SWAP70: variants seen among roughly 807,000 people sequenced by gnomAD.
SWAP70 encodes the protein switching B cell complex subunit SWAP70.
In SWAP70, 34 loss-of-function variants were observed where a neutral mutation model predicts 80.2. The observed-to-expected ratio is 0.42, with a 90% confidence interval of 0.32 to 0.56. SWAP70 has a LOEUF of 0.56. Among genes scored for constraint, SWAP70 ranks in the 20% least tolerant of loss-of-function variants. SWAP70 has a pLI of 0.09. For synonymous variants in SWAP70, 239 were observed against 238.5 expected (o/e 1.00, Z -0.02); for missense variants, 578 against 690.7 (o/e 0.84, Z 1.83).
intron 1 of SWAP70, among the ~76,000 whole-genome samples, chr11:9,692,994 G>A (rs1009488609): frequency 3.9e-5 from 6 of 152,106 alleles, no homozygotes; most frequent in African/African-American, 1.2e-4. Context: ...AACAAATTTA[G>A]AAAGAAGATA....
chr11:9,709,598 C>A (rs2572945), intron 2 of SWAP70, among the ~76,000 whole-genome samples: 49,327 of 151,734 alleles, frequency 0.33, 8,205 homozygotes, highest in Non-Finnish European at 0.35. Context: ...GATCTCCCAC[C>A]AACTTCAGCC....
intron 2 of SWAP70, among the ~76,000 whole-genome samples, chr11:9,695,120 C>T (rs983534113): frequency 1.3e-5 from 2 of 152,114 alleles, no homozygotes; most frequent in Admixed American, 6.6e-5. Context: ...GAAACCCCAT[C>T]TCTATTAAAA....
intron 1 of SWAP70, among the ~76,000 whole-genome samples, chr11:9,677,134 G>T (rs1850512196): frequency 6.6e-6 from 1 of 151,844 alleles, no homozygotes; most frequent in Admixed American, 6.6e-5. Flanking sequence ...ACCTGAAACA[G>T]ACATTGTTAC....
rs565003458 is a variant in SWAP70, at chr11:9,732,644, G to C, written c.1014G>C (p.Glu338Asp). The C allele has an allele frequency of 6.3e-7, 1 of 1,577,256 alleles. No homozygotes were observed. Among genetic ancestry groups the C allele is most frequent in the Admixed American group, 1.8e-5 (1 of 55,400 alleles). Residue 338 changes from glutamate to aspartate, a missense_variant, in exon 7 of 12, where the codon GAG becomes GAC. Transcript: ENST00000318950. ...KKQLAEQEEL[E>D]RQMKELQAAN... ...AGCTGGCTGAACAAGAGGAACTGGA[G>C]CGACAAATGAAGGAACTCCAGGCCG... is the stretch of plus-strand genomic sequence containing the variant.
rs139838200 is a variant in SWAP70, at chr11:9,747,402, T to C, written c.1356-456T>C. On this transcript the variant is annotated intron_variant, in intron 9 of 11. Transcript: ENST00000318950. ...TTTTTCCATGGTAACAGGTTTTTAC[T>C]AGATGAAAATGTTTTCATGTTGTAG... Among the ~76,000 whole-genome samples, 4 of 152,346 alleles carry C rather than the reference T, an allele frequency of 2.6e-5. No homozygotes were observed. The South Asian group carries it at 8.3e-4, about 32-fold the overall frequency.
In SWAP70 at chr11:9,694,219, A is replaced by T; in HGVS notation, c.173A>T (p.Asp58Val). 1 of 1,613,272 alleles carries T rather than the reference A, an allele frequency of 6.2e-7. No homozygotes were observed. The highest frequency in any genetic ancestry group is 8.5e-7 in the Non-Finnish European group (1 of 1,179,656). Residue 58 changes from aspartate to valine, a missense_variant, in exon 2 of 12, where the codon GAT becomes GTT. Asp to Val is a radical substitution (Grantham distance 152). Transcript: ENST00000318950. ...GTTGCCCTTGAAGAGCACTTCAGGG[A>T]TGATGATGAGGGTCCAGTGTCCAAC... Reference protein sequence around the residue: ...DPVALEEHFRDDDEGPVSNQG... With the variant: ...DPVALEEHFRVDDEGPVSNQG...
At chr11:9,726,329 A>C (rs1390142346) in intron 4 of SWAP70, among the ~76,000 whole-genome samples, 1 of 152,188 alleles carries the variant, frequency 6.6e-6, no homozygotes, top group Non-Finnish European at 1.5e-5. Flanking sequence ...ATTATATTGA[A>C]TAATAACTGA....
chr11:9,743,964 A>ATTT lies in SWAP70; in HGVS notation c.1355+3631_1355+3633dup, dbSNP rs71034739. On this transcript the variant is annotated intron_variant, in intron 9 of 11. Transcript: ENST00000318950. Reference sequence around the variant, plus strand: ...TAGCTTGAAACACGTAGATCTTGTAATTTTTTTTTTTTTTTTGAGACGGAG... The same window carrying ATTT: ...TAGCTTGAAACACGTAGATCTTGTAATTTTTTTTTTTTTTTTTTTGAGACGGAG... Among the ~76,000 whole-genome samples the ATTT allele has an allele frequency of 1.1e-4, 16 of 146,638 alleles. 3 individuals are homozygous for ATTT. Among genetic ancestry groups the ATTT allele is most frequent in the East Asian group, 2.0e-4 (1 of 5,030 alleles).
At chr11:9,733,392 G>C (rs1338006166) in intron 7 of SWAP70, among the ~76,000 whole-genome samples, 2 of 152,148 alleles carry the variant, frequency 1.3e-5, no homozygotes, top group Non-Finnish European at 2.9e-5. Context: ...ATGCACATCT[G>C]TGCAAAAACT....
At chr11:9,689,063 C>T (rs758428216) in intron 1 of SWAP70, among the ~76,000 whole-genome samples, 5 of 152,054 alleles carry the variant, frequency 3.3e-5, no homozygotes, top group Non-Finnish European at 5.9e-5. Flanking sequence ...TCAGATAAGT[C>T]TTTTGGAATA....
chr11:9,722,659 G>T (rs1851154719), intron 3 of SWAP70, among the ~76,000 whole-genome samples: 1 of 152,114 alleles, frequency 6.6e-6, no homozygotes, highest in Non-Finnish European at 1.5e-5. Flanking sequence ...CAATTAACTG[G>T]GTCGAGAGGT....
In SWAP70 at chr11:9,752,803, T is replaced by C. The variant is rs1303521853; in HGVS notation, c.*2833T>C. On this transcript the variant is annotated 3_prime_UTR_variant, in exon 12 of 12. Coordinates refer to ENST00000318950, the MANE Select transcript of SWAP70 (RefSeq NM_015055.4). Reference sequence around the variant, plus strand: ...TTGAGGGGAAACCAAATATTTATGATTTTAAAACATTCGTATGAAAACATT... The same window carrying C: ...TTGAGGGGAAACCAAATATTTATGACTTTAAAACATTCGTATGAAAACATT... The C allele has an allele frequency of 6.6e-6, 1 of 152,364 alleles. No homozygotes were observed. The highest frequency in any genetic ancestry group is 1.9e-4 in the East Asian group (1 of 5,196). The allele number at this position is 152,364 out of a possible 1,614,324, so 9.4% of individuals were successfully genotyped here. A position where few individuals can be genotyped will look rare whatever the true frequency, so the allele number is the denominator to read the frequency against.
At chr11:9,710,466 A>C (rs11042481) in intron 2 of SWAP70, among the ~76,000 whole-genome samples, 49,397 of 151,740 alleles carry the variant, frequency 0.33, 8,253 homozygotes, top group Non-Finnish European at 0.35. Context: ...CTCCTGGAGG[A>C]CTGGTTTGCC....
intron 2 of SWAP70, among the ~76,000 whole-genome samples, chr11:9,697,150 A>T (rs1429843531): frequency 6.6e-6 from 1 of 151,954 alleles, no homozygotes; most frequent in Non-Finnish European, 1.5e-5. Flanking sequence ...TCAGATTTTT[A>T]TTATTATTTA....
At chr11:9,734,239 T>C (rs1005406346) in intron 7 of SWAP70, among the ~76,000 whole-genome samples, 6 of 152,250 alleles carry the variant, frequency 3.9e-5, no homozygotes, top group African/African-American at 1.2e-4. Context: ...ATCAATTCTC[T>C]GTTCCTGTAT....
At chr11:9,689,018 C>A (rs578071662) in intron 1 of SWAP70, among the ~76,000 whole-genome samples, 61 of 152,222 alleles carry the variant, frequency 4.0e-4, no homozygotes, top group Middle Eastern at 3.4e-3. Flanking sequence ...AAAAAGATTG[C>A]CCATTATGAG....
intron 1 of SWAP70, among the ~76,000 whole-genome samples, chr11:9,676,633 T>C (rs1391446842): frequency 6.6e-6 from 1 of 151,934 alleles, no homozygotes; most frequent in Non-Finnish European, 1.5e-5. Context: ...TTTGCCCATG[T>C]TAAGTATAGA....
chr11:9,710,711 GC>G (rs1240689979), intron 2 of SWAP70, among the ~76,000 whole-genome samples: 1 of 131,224 alleles, frequency 7.6e-6, no homozygotes, highest in East Asian at 2.2e-4. Context: ...TAAGTGTCTT[GC>G]CCTGTCTCCA....
intron 2 of SWAP70, among the ~76,000 whole-genome samples, chr11:9,713,157 A>G (rs949455192): frequency 6.6e-6 from 1 of 152,214 alleles, no homozygotes; most frequent in Non-Finnish European, 1.5e-5. Flanking sequence ...GGTCAGTGCT[A>G]GGATTGGTAG....
Sources: gnomAD v4.1 joint callset for allele counts (sites outside exome capture counted in the v4.1 genomes callset) on GRCh38, gnomAD v4.1.1 for gene constraint, MANE v1.5 for transcripts, NCBI Gene and HGNC (gene_info 2026-07-23, HGNC 2026-07-21) for gene names.